The following COL4A4 variants were observed in gnomAD, a reference collection of about 807,000 sequenced individuals.
The protein encoded by COL4A4 is collagen alpha-4(IV) chain.
A neutral mutation model predicts 192.9 loss-of-function variants in COL4A4; 105 were observed. That is an observed-to-expected ratio of 0.54 (90% confidence interval 0.46 to 0.64). COL4A4 has a LOEUF of 0.64. Among genes scored for constraint, COL4A4 ranks in the 30% least tolerant of loss-of-function variants. The pLI is 0.00. For missense variants in COL4A4, 1,967 were observed against 2,169.3 expected (o/e 0.91, Z 1.85); for synonymous variants, 762 against 769.9 (o/e 0.99, Z 0.17).
chr2:227,121,578 A>AAAAAG (rs1559679393), intron 4 of COL4A4, among the ~76,000 whole-genome samples: 2 of 65,986 alleles, frequency 3.0e-5, no homozygotes, highest in African/African-American at 7.8e-5. Context: ...AAAAAAAAAG[A>AAAAAG]AAAGAAAAGA....
chr2:227,044,888 A>G (rs1972127968), intron 35 of COL4A4, among the ~76,000 whole-genome samples: 1 of 152,204 alleles, frequency 6.6e-6, no homozygotes, highest in East Asian at 1.9e-4. Flanking sequence ...AAAATTTCTA[A>G]GCTGAGGCCA....
Position 227,103,168 on chromosome 2 carries a change from T to C in COL4A4, c.846A>G (p.Gly282=), listed in dbSNP as rs553087192. 4 of 1,613,070 alleles carry C rather than the reference T, an allele frequency of 2.5e-6. No individual in the cohort carries two copies. The African/African-American group carries it at 4.0e-5, about 16-fold the overall frequency. ...KGIKGIPGMV[G]LPGPPGRKGE... ...CCTTGCGTCCTGGTGGTCCTGGCAGTCCAACCATTCCAGGAATTCCTTTTA... is the reference window on the plus strand; with the variant it reads ...CCTTGCGTCCTGGTGGTCCTGGCAGCCCAACCATTCCAGGAATTCCTTTTA... The change falls in exon 14 of 48, where the codon GGA becomes GGG. Residue 282 remains glycine, a synonymous_variant. Transcript: ENST00000396625.
At chr2:227,142,075 C>CTT (rs1553710395) in intron 3 of COL4A4, among the ~76,000 whole-genome samples, 1 of 132,420 alleles carries the variant, frequency 7.6e-6, no homozygotes, top group Non-Finnish European at 1.6e-5. Context: ...GAAAGAATCA[C>CTT]TTTAAAATAG....
intron 44 of COL4A4, among the ~76,000 whole-genome samples, chr2:227,018,305 C>A (rs987287509): frequency 6.6e-6 from 1 of 152,130 alleles, no homozygotes; most frequent in Non-Finnish European, 1.5e-5. Context: ...GCCCCTCACA[C>A]CCTGCTGAAA....
At chr2:227,094,663 T>C (rs1048198463) in intron 19 of COL4A4, among the ~76,000 whole-genome samples, 9 of 152,222 alleles carry the variant, frequency 5.9e-5, no homozygotes, top group African/African-American at 2.2e-4. Context: ...CTATATCTTA[T>C]ATTTGAATTT....
chr2:226,997,142 C>T, the COL4A4 span: 1 of 152,310 alleles, frequency 6.6e-6, no homozygotes. Flanking sequence ...TCTTTGGCCT[C>T]CTGGCTGGCC....
At position 227,160,025 on chromosome 2, in the gene COL4A4, C is replaced by T. The variant is rs61225186; in HGVS notation, c.-102+3982G>A. On this transcript the variant is annotated intron_variant, in intron 1 of 47. Coordinates refer to ENST00000396625, the MANE Select transcript of COL4A4 (RefSeq NM_000092.5). ...TTAATCCTTGACCTAGATCTTAAAG[C>T]ACAGGTAGTTGTAGAAGACAGACCA... Among the ~76,000 whole-genome samples, 983 of 152,282 alleles carry T rather than the reference C, an allele frequency of 6.5e-3. 10 individuals are homozygous for T. Among genetic ancestry groups the T allele is most frequent in the African/African-American group, 0.023 (940 of 41,538 alleles).
At chr2:227,010,583 T>G in intron 45 of COL4A4, 82 bp from the exon 46 acceptor site, 1 of 1,202,380 alleles carries the variant, frequency 8.3e-7, no homozygotes. Flanking sequence ...GTTCTGGCAC[T>G]GTGCTAAGCA....
chr2:227,092,372 G>A (rs1270231392), intron 20 of COL4A4, among the ~76,000 whole-genome samples: 1 of 152,024 alleles, frequency 6.6e-6, no homozygotes, highest in Non-Finnish European at 1.5e-5. Flanking sequence ...AAAATATATG[G>A]GAAATAGAGG....
chr2:227,098,875 G>A, intron 18 of COL4A4, 77 bp from the exon 19 acceptor site: 1 of 1,187,898 alleles, frequency 8.4e-7, no homozygotes, highest in Admixed American at 1.8e-5. Flanking sequence ...TACTTTTTGT[G>A]AGACTCAGTA....
At position 227,007,533 on chromosome 2, in the gene COL4A4, C is replaced by A; in HGVS notation, c.4865G>T (p.Cys1622Phe). ...TGGTGCTGCTCTGAAATCTTCCAGG[C>A]AGCTGCCAGGTGACATAAGGGCCTG... Reference protein sequence around the residue: ...GGQALMSPGSCLEDFRAAPFL... With the variant: ...GGQALMSPGSFLEDFRAAPFL... The change falls in exon 48 of 48, where the codon TGC (cysteine) becomes TTC (phenylalanine). Residue 1622 changes from cysteine to phenylalanine, a missense_variant. Cys to Phe is a radical substitution (Grantham distance 205). Coordinates refer to ENST00000396625, the MANE Select transcript of COL4A4 (RefSeq NM_000092.5). The A allele has an allele frequency of 6.2e-7, 1 of 1,613,578 alleles. No individual in the cohort carries two copies. The highest frequency in any genetic ancestry group is 8.5e-7 in the Non-Finnish European group (1 of 1,180,028).
chr2:227,103,478 A>G (rs2060640179), intron 13 of COL4A4, among the ~76,000 whole-genome samples: 2 of 152,364 alleles, frequency 1.3e-5, no homozygotes, highest in South Asian at 4.1e-4. Flanking sequence ...TATTTTGAGC[A>G]AAGTAAAGAA....
chr2:227,164,418 C>G (rs759428867), upstream of COL4A4: 1 of 499,730 alleles, frequency 2.0e-6, no homozygotes, highest in Non-Finnish European at 3.6e-6. This position sits in a 1 kb window ranked among gnomAD's most constrained non-coding sequence, Gnocchi z 4.8. Context: ...CCCACCTGCC[C>G]CTCAGGCGCC....
intron 4 of COL4A4, among the ~76,000 whole-genome samples, chr2:227,131,453 C>A (rs1435251862): frequency 1.3e-5 from 2 of 152,150 alleles, no homozygotes; most frequent in South Asian, 4.1e-4. Flanking sequence ...ACCTACCCTG[C>A]CCCTGTCTGC....
intron 45 of COL4A4, 109 bp downstream of exon 45, chr2:227,012,072 A>C (rs1325861032): frequency 4.6e-6 from 4 of 871,510 alleles, no homozygotes; most frequent in Non-Finnish European, 7.8e-6. Context: ...ATCTAAGGCA[A>C]ATGATCTGAA....
chr2:226,968,200 C>A, the COL4A4 span, among the ~76,000 whole-genome samples: 1 of 152,020 alleles, frequency 6.6e-6, no homozygotes. Context: ...CTGGAAGAAC[C>A]CAGAGGGGAT....
Position 227,118,664 on chromosome 2 carries a change from A to G in COL4A4, c.470T>C (p.Leu157Pro). Reference protein sequence around the residue: ...DPGFPGGRGALGPGGPLGHPG... With the variant: ...DPGFPGGRGAPGPGGPLGHPG... ...TCTTACTAGGGGGCCTCCTGGGCCA[A>G]GAGCTCCTCTTCCTCCTGGAAACCC... is the stretch of plus-strand genomic sequence containing the variant. Residue 157 changes from leucine to proline, a missense_variant, in exon 7 of 48, where the codon CTT becomes CCT. By Grantham distance (98) the Leu-to-Pro change is moderately conservative. Coordinates refer to ENST00000396625, the MANE Select transcript of COL4A4 (RefSeq NM_000092.5). The G allele has an allele frequency of 1.9e-6, 3 of 1,613,798 alleles. No homozygotes were observed. The highest frequency in any genetic ancestry group is 2.5e-6 in the Non-Finnish European group (3 of 1,179,722).
intron 21 of COL4A4, among the ~76,000 whole-genome samples, chr2:227,089,612 T>TATATATATATATATATATATATATAC (rs1383778504): frequency 1.4e-5 from 2 of 141,874 alleles, no homozygotes; most frequent in Non-Finnish European, 3.0e-5. Flanking sequence ...TATATATACA[T>TATATATATATATATATATATATATAC]ACATATATAT....
chr2:227,072,135 C>A (rs1239016571), intron 25 of COL4A4, among the ~76,000 whole-genome samples: 6 of 151,508 alleles, frequency 4.0e-5, no homozygotes, highest in Admixed American at 3.9e-4. Flanking sequence ...AAAAAATAAA[C>A]AAAATCAATA....
Sources: gnomAD v4.1 joint callset for allele counts (sites outside exome capture counted in the v4.1 genomes callset) on GRCh38, gnomAD v4.1.1 for gene constraint, Gnocchi (gnomAD v3.1) non-coding constraint, MANE v1.5 for transcripts, NCBI Gene and HGNC (gene_info 2026-07-23, HGNC 2026-07-21) for gene names.